METTL21A: variants seen among roughly 807,000 people sequenced by gnomAD.
METTL21A encodes methyltransferase 21A, HSPA lysine.
A neutral mutation model predicts 20.9 loss-of-function variants in METTL21A; 22 were observed. The ratio of observed to expected loss-of-function variants is 1.05; its 90% confidence interval spans 0.75 to 1.50. METTL21A has a LOEUF of 1.50. Ranked by LOEUF, METTL21A falls within the 40% of genes most tolerant of loss-of-function variation. METTL21A has a pLI of 0.00. For missense variants in METTL21A, 271 were observed against 266.8 expected (o/e 1.02, Z -0.11); for synonymous variants, 93 against 102.0 (o/e 0.91, Z 0.53).
At chr2:207,588,322 GCT>G (rs946709903) in intron 3 of METTL21A, among the ~76,000 whole-genome samples, 3 of 151,954 alleles carry the variant, frequency 2.0e-5, no homozygotes. Flanking sequence ...AATTGCCCTT[GCT>G]CTTTTTTTCA....
downstream of METTL21A, among the ~76,000 whole-genome samples, chr2:207,606,286 G>A (rs1378851409): frequency 6.6e-6 from 1 of 152,164 alleles, no homozygotes; most frequent in African/African-American, 2.4e-5. Context: ...TTCGAGACCA[G>A]CCTGACCAAC....
exon 3 of METTL21A, chr2:207,621,884 C>T: frequency 2.5e-6 from 4 of 1,614,186 alleles, no homozygotes; most frequent in Non-Finnish European, 3.4e-6. Flanking sequence ...AGCTCCACAG[C>T]TCCCATCTCC....
upstream of METTL21A, chr2:207,625,400 C>T (rs909294759): frequency 1.3e-5 from 2 of 151,994 alleles, no homozygotes; most frequent in South Asian, 2.1e-4. Context: ...TTTCCGGTCT[C>T]CCGGCACCCA....
intron 3 of METTL21A, among the ~76,000 whole-genome samples, chr2:207,614,905 T>C (rs1379865079): frequency 6.6e-6 from 1 of 152,258 alleles, no homozygotes; most frequent in East Asian, 1.9e-4. Context: ...TTCTTCAGTT[T>C]GTAATCTTCA....
At position 207,584,983 on chromosome 2, in the gene METTL21A, T is replaced by A. The variant is rs1281956150; in HGVS notation, c.260-2823A>T. On this transcript the variant is annotated intron_variant, in intron 3 of 3. Transcript: ENST00000425132. ...ATGCTTGTGGTATTTATGAATTTTC[T>A]GCCTGGATAGGCCCAGCCCACTTAC... Among the ~76,000 whole-genome samples, 3 of 152,142 alleles carry A rather than the reference T, an allele frequency of 2.0e-5. 1 individual carries two copies. Among genetic ancestry groups the A allele is most frequent in the African/African-American group, 7.2e-5 (3 of 41,436 alleles).
chr2:207,608,656 G>A (rs1192219733), downstream of METTL21A, among the ~76,000 whole-genome samples: 1 of 152,198 alleles, frequency 6.6e-6, no homozygotes, highest in Non-Finnish European at 1.5e-5. Context: ...ACTCTGCCGG[G>A]CGCGGTGGCT....
intron 3 of METTL21A, among the ~76,000 whole-genome samples, chr2:207,595,897 T>C (rs1476257019): frequency 1.3e-5 from 2 of 152,220 alleles, no homozygotes; most frequent in Non-Finnish European, 2.9e-5. Context: ...TTAGCAGATA[T>C]ATGATTTGCA....
At chr2:207,592,307 T>G (rs1028806452) in intron 3 of METTL21A, among the ~76,000 whole-genome samples, 1 of 151,974 alleles carries the variant, frequency 6.6e-6, no homozygotes, top group Non-Finnish European at 1.5e-5. Flanking sequence ...CTCGGGAGGC[T>G]GAGGCAGGAA....
At chr2:207,600,973 A>G (rs1345609763) in intron 3 of METTL21A, 1 of 129,696 alleles carries the variant, frequency 7.7e-6, no homozygotes, top group Non-Finnish European at 1.4e-5. Flanking sequence ...ACAGTCAGCT[A>G]TTACCATAAA....
intron 3 of METTL21A, chr2:207,602,966 G>A (rs943842340): frequency 1.9e-5 from 4 of 214,534 alleles, no homozygotes; most frequent in African/African-American, 9.0e-5. Context: ...AATCAGGGAA[G>A]TTCCTAGAAA....
intron 3 of METTL21A, among the ~76,000 whole-genome samples, chr2:207,585,620 AATAATG>A (rs1391336438): frequency 6.6e-6 from 1 of 152,210 alleles, no homozygotes. Context: ...AGGAATTGAA[AATAATG>A]ATCTTAAGAA....
intron 3 of METTL21A, among the ~76,000 whole-genome samples, chr2:207,588,897 G>A (rs2084431038): frequency 6.9e-6 from 1 of 144,088 alleles, no homozygotes; most frequent in South Asian, 2.3e-4. Context: ...GTCGGGGGGG[G>A]TGTAGATTCT....
At chr2:207,591,551 G>C (rs554424307) in intron 3 of METTL21A, among the ~76,000 whole-genome samples, 1 of 152,244 alleles carries the variant, frequency 6.6e-6, no homozygotes, top group East Asian at 1.9e-4. Flanking sequence ...TCGTGCCTCA[G>C]CTTCCAAAAT....
intron 3 of METTL21A, among the ~76,000 whole-genome samples, chr2:207,616,468 A>G (rs1027123119): frequency 1.3e-5 from 2 of 152,258 alleles, no homozygotes; most frequent in Non-Finnish European, 2.9e-5. Flanking sequence ...CTGAATGACT[A>G]CCATCAGCCA....
At chr2:207,616,589 A>C (rs186888044) in intron 3 of METTL21A, among the ~76,000 whole-genome samples, 1 of 152,320 alleles carries the variant, frequency 6.6e-6, no homozygotes, top group Non-Finnish European at 1.5e-5. Flanking sequence ...TCACGCCTGT[A>C]ATCTCAGCAC....
intron 3 of METTL21A, among the ~76,000 whole-genome samples, chr2:207,594,474 A>G (rs959147716): frequency 1.3e-5 from 2 of 152,144 alleles, no homozygotes; most frequent in African/African-American, 4.8e-5. Flanking sequence ...AAATTACACA[A>G]TATTTGTCTT....
chr2:207,589,119 C>T (rs750446860), intron 3 of METTL21A, among the ~76,000 whole-genome samples: 2 of 152,086 alleles, frequency 1.3e-5, no homozygotes, highest in Non-Finnish European at 2.9e-5. Context: ...CACAAACTGC[C>T]ACAAACTTAC....
downstream of METTL21A, among the ~76,000 whole-genome samples, chr2:207,605,527 A>T (rs558870943): frequency 4.1e-5 from 6 of 147,880 alleles, no homozygotes; most frequent in South Asian, 1.3e-3. Flanking sequence ...GTACACTTCT[A>T]AAAAAAAGAA....
intron 3 of METTL21A, among the ~76,000 whole-genome samples, chr2:207,596,662 A>C (rs1575040479): frequency 6.6e-6 from 1 of 152,140 alleles, no homozygotes; most frequent in Non-Finnish European, 1.5e-5. Flanking sequence ...TGGACTCCTG[A>C]CCTCAGGTGA....
Sources: gnomAD v4.1 joint callset for allele counts (sites outside exome capture counted in the v4.1 genomes callset) on GRCh38, gnomAD v4.1.1 for gene constraint, MANE v1.5 for transcripts, NCBI Gene and HGNC (gene_info 2026-07-23, HGNC 2026-07-21) for gene names.